TOGARAM2: variants seen among roughly 807,000 people sequenced by gnomAD.
TOGARAM2 encodes TOG array regulator of axonemal microtubules protein 2.
Under a neutral mutation model 93.3 loss-of-function variants are expected in TOGARAM2, and 85 were observed. The ratio of observed to expected loss-of-function variants is 0.91; its 90% CI spans 0.76 to 1.09. TOGARAM2 has a LOEUF of 1.09. TOGARAM2 is among the 50% of genes least tolerant of loss of function. The probability of loss-of-function intolerance (pLI) is 0.00; values close to 1 mark genes in which losing one functional copy is unlikely to be tolerated. For missense variants in TOGARAM2, 1,277 were observed against 1,334.5 expected, an observed-to-expected ratio of 0.96 and a Z score of 0.67; for synonymous variants, 593 against 552.8, an observed-to-expected ratio of 1.07 and a Z score of -1.02.
rs770247797 is a variant in TOGARAM2 at position 29,017,138 on chromosome 2, C to G, written c.1045-16C>G. ...TGAATGGGAGGTTAATAGAGTTTGCCTTGACCTTGTGCCAGATCCAAGTCA... is the reference window on the plus strand; with the variant it reads ...TGAATGGGAGGTTAATAGAGTTTGCGTTGACCTTGTGCCAGATCCAAGTCA... On this transcript the variant is annotated splice_polypyrimidine_tract_variant and intron_variant, in intron 8 of 19. Transcript: ENST00000379558. 1.4e-5 allele frequency: 22 copies of G among 1,610,386 alleles called. No individual in the cohort carries two copies. The Admixed American group carries it at 3.7e-4, about 27-fold the overall frequency.
At chr2:28,974,366 G>C (rs1671996607) in intron 1 of TOGARAM2, among the ~76,000 whole-genome samples, 1 of 152,096 alleles carries the variant, frequency 6.6e-6, no homozygotes, top group Non-Finnish European at 1.5e-5. Flanking sequence ...GACCTCAAGT[G>C]ATCCACATGC....
chr2:29,018,224 C>G (rs764553025), intron 10 of TOGARAM2: 2 of 459,042 alleles, frequency 4.4e-6, no homozygotes, highest in Non-Finnish European at 7.7e-6. Flanking sequence ...GAGGAGTGAC[C>G]AGTGCACGAG....
intron 1 of TOGARAM2, among the ~76,000 whole-genome samples, chr2:28,993,571 C>G (rs539787628): frequency 2.4e-4 from 37 of 152,316 alleles, no homozygotes; most frequent in African/African-American, 8.7e-4. Flanking sequence ...ACATCCTTAT[C>G]CCAGTAGATA....
At chr2:28,972,806 G>A (rs1005958648) in intron 1 of TOGARAM2, among the ~76,000 whole-genome samples, 1 of 152,164 alleles carries the variant, frequency 6.6e-6, no homozygotes, top group East Asian at 1.9e-4. Context: ...TGGTAGGGCT[G>A]GGAGCTGGGA....
intron 1 of TOGARAM2, among the ~76,000 whole-genome samples, chr2:28,983,675 G>A (rs1394637034): frequency 6.6e-6 from 1 of 152,108 alleles, no homozygotes; most frequent in African/African-American, 2.4e-5. Context: ...GGGTTCCTAG[G>A]AGTGGAATTG....
At chr2:29,003,733 C>T (rs946950492) in intron 6 of TOGARAM2, 51 bp downstream of exon 6, 20 of 1,404,008 alleles carry the variant, frequency 1.4e-5, no homozygotes, top group Admixed American at 3.0e-5. Flanking sequence ...CCTCTGTCCC[C>T]CTGAGATCCA....
At chr2:28,962,309 C>A (rs1001001713) in intron 1 of TOGARAM2, among the ~76,000 whole-genome samples, 1 of 151,432 alleles carries the variant, frequency 6.6e-6, no homozygotes, top group African/African-American at 2.4e-5. Context: ...CCAAGTAGCT[C>A]AGATTACAGG....
chr2:28,982,959 CA>C (rs1672275835), intron 1 of TOGARAM2, among the ~76,000 whole-genome samples: 1 of 151,748 alleles, frequency 6.6e-6, no homozygotes, highest in Non-Finnish European at 1.5e-5. Context: ...TCAAGTTTTC[CA>C]TCTATGTCTG....
intron 11 of TOGARAM2, 23 bp from the exon 12 acceptor site, chr2:29,023,063 C>T (rs746388506): frequency 6.4e-6 from 10 of 1,566,318 alleles, no homozygotes; most frequent in Non-Finnish European, 8.7e-6. Context: ...CCTTCTGCAA[C>T]AGGGCCTGGC....
chr2:28,997,832 G>A (rs1214162659), intron 2 of TOGARAM2, among the ~76,000 whole-genome samples: 11 of 152,218 alleles, frequency 7.2e-5, no homozygotes, highest in Non-Finnish European at 1.5e-4. Flanking sequence ...GATGGAAGAG[G>A]GGTGCCCATG....
At chr2:29,038,692 G>A (rs1666261086) in intron 18 of TOGARAM2, among the ~76,000 whole-genome samples, 1 of 152,074 alleles carries the variant, frequency 6.6e-6, no homozygotes, top group Admixed American at 6.5e-5. Flanking sequence ...CGATCCATCT[G>A]CCTCGGCCTC....
chr2:28,997,865 G>C (rs928761271), intron 2 of TOGARAM2, among the ~76,000 whole-genome samples: 6 of 152,140 alleles, frequency 3.9e-5, no homozygotes, highest in Admixed American at 1.3e-4. Context: ...AGGCATGGAG[G>C]GGGGTTTGGA....
intron 13 of TOGARAM2, among the ~76,000 whole-genome samples, chr2:29,026,549 C>T (rs11685625): frequency 0.52 from 79,725 of 152,014 alleles, 21,090 homozygotes; most frequent in Middle Eastern, 0.58. Context: ...GAGAAGAGTA[C>T]TTAGACAAAA....
intron 9 of TOGARAM2, 136 bp from the exon 10 acceptor site, chr2:29,017,656 C>A: frequency 1.2e-6 from 1 of 837,542 alleles, no homozygotes; most frequent in Non-Finnish European, 1.8e-6. Context: ...AGCCATCCTC[C>A]TACCTCGGAC....
At chr2:29,002,411 C>G in intron 4 of TOGARAM2, 125 bp from the exon 5 acceptor site, 1 of 798,490 alleles carries the variant, frequency 1.3e-6, no homozygotes, top group Non-Finnish European at 2.0e-6. Flanking sequence ...GGGGACAGAT[C>G]TGATCTCTCT....
At chr2:28,990,924 G>GGCC (rs1672691929) in intron 1 of TOGARAM2, among the ~76,000 whole-genome samples, 1 of 151,612 alleles carries the variant, frequency 6.6e-6, no homozygotes, top group Non-Finnish European at 1.5e-5. Context: ...AGGAATGGAG[G>GGCC]GCCGGCCTGT....
intron 2 of TOGARAM2, 109 bp from the exon 3 acceptor site, chr2:28,998,034 G>A: frequency 1.5e-6 from 1 of 686,994 alleles, no homozygotes; most frequent in Non-Finnish European, 2.3e-6. Context: ...TTTGGGCAGG[G>A]ACCCTGCGGG....
chr2:28,971,587 A>G (rs1671947320), intron 1 of TOGARAM2, among the ~76,000 whole-genome samples: 1 of 152,122 alleles, frequency 6.6e-6, no homozygotes, highest in Non-Finnish European at 1.5e-5. Context: ...TGAGGTGGGA[A>G]GCCACGTTCT....
chr2:29,010,028 GGTGT>G (rs56239245), intron 6 of TOGARAM2, among the ~76,000 whole-genome samples: 42,884 of 148,492 alleles, frequency 0.29, 6,490 homozygotes, highest in African/African-American at 0.38. Context: ...GCTCAGAGCA[GGTGT>G]GTGTGTGTGT....
Sources: gnomAD v4.1 joint callset for allele counts (sites outside exome capture counted in the v4.1 genomes callset) on GRCh38, gnomAD v4.1.1 for gene constraint, MANE v1.5 for transcripts, NCBI Gene and HGNC (gene_info 2026-07-23, HGNC 2026-07-21) for gene names.